DDX59: variants seen among roughly 807,000 people sequenced by gnomAD.
DDX59 encodes probable ATP-dependent RNA helicase DDX59.
DDX59 carries 30 observed loss-of-function variants against 51.9 expected under a neutral mutation model. The observed-to-expected ratio is 0.58, with a 90% CI of 0.43 to 0.78. The LOEUF is 0.78. DDX59 is among the 30% of genes least tolerant of loss of function. The pLI, the probability that DDX59 is intolerant of heterozygous loss-of-function variation, is 0.00. For missense variants in DDX59, 672 were observed against 730.8 expected (o/e 0.92, Z 0.93); for synonymous variants, 255 against 253.3 (o/e 1.01, Z -0.06).
intron 2 of DDX59, among the ~76,000 whole-genome samples, chr1:200,665,399 C>CT (rs1662654489): frequency 6.6e-6 from 1 of 151,230 alleles, no homozygotes; most frequent in South Asian, 2.1e-4. Flanking sequence ...AGACGGATCA[C>CT]TTGAACCTGG....
At chr1:200,643,362 G>A (rs1273791879), downstream of DDX59, among the ~76,000 whole-genome samples, 1 of 152,146 alleles carries the variant, frequency 6.6e-6, no homozygotes, top group Non-Finnish European at 1.5e-5. Flanking sequence ...TAAACAAGTA[G>A]GCCAGGCGTG....
At chr1:200,649,659 GA>G (rs1446660551) in intron 5 of DDX59, among the ~76,000 whole-genome samples, 2 of 144,600 alleles carry the variant, frequency 1.4e-5, no homozygotes, top group South Asian at 2.2e-4. Context: ...AACACAAAAT[GA>G]AAAAAAAGGC....
At chr1:200,641,036 G>T (rs1661033484), downstream of DDX59, 3 of 486,186 alleles carry the variant, frequency 6.2e-6, no homozygotes, top group Non-Finnish European at 1.1e-5. Context: ...TGAGGTCATT[G>T]TAAGTATGCC....
At chr1:200,644,802 A>C (rs184191754) in intron 7 of DDX59, among the ~76,000 whole-genome samples, 2 of 151,790 alleles carry the variant, frequency 1.3e-5, no homozygotes, top group East Asian at 3.9e-4. Context: ...AGGCTGAGGC[A>C]AAAGAATCGC....
At chr1:200,648,071 T>C (rs1661405345) in intron 7 of DDX59, among the ~76,000 whole-genome samples, 1 of 147,040 alleles carries the variant, frequency 6.8e-6, no homozygotes, top group African/African-American at 2.5e-5. Context: ...TCACCCAGGC[T>C]AGAGTGCAGT....
rs189751459 is a variant in DDX59, at chr1:200,665,360, C to A, written c.804+577G>T. Reference sequence around the variant, plus strand: ...ATCCCAGCTTCTCAGGAGGCTGAGGCAGGAGAATCACTTGAACCTGAACCT... The same window carrying A: ...ATCCCAGCTTCTCAGGAGGCTGAGGAAGGAGAATCACTTGAACCTGAACCT... On this transcript the variant is annotated intron_variant, in intron 2 of 7. Coordinates refer to ENST00000331314, the MANE Select transcript of DDX59 (RefSeq NM_001031725.6). 2.4e-3 allele frequency among the ~76,000 whole-genome samples: 358 copies of A among 152,018 alleles called. 2 individuals are homozygous for A. The highest frequency in any genetic ancestry group is 1.4e-3 in the Non-Finnish European group (93 of 67,978).
Position 200,650,437 on chromosome 1 carries a change from AAAT to A in DDX59, c.1299_1301del (p.Leu433del). ...CTTTACTACTCACATTTAAAATTTC[AAAT>A]AATTTTTTCTTTTTGGCTGGGTCTT... On this transcript the variant is annotated inframe_deletion, in exon 5 of 8. Transcript: ENST00000331314. 1 of 1,612,250 alleles carries A rather than the reference AAAT, an allele frequency of 6.2e-7. No individual in the cohort carries two copies.
chr1:200,653,145 C>T (rs1282680181), intron 4 of DDX59, among the ~76,000 whole-genome samples: 1 of 152,202 alleles, frequency 6.6e-6, no homozygotes, highest in African/African-American at 2.4e-5. Flanking sequence ...TTCCACGGCT[C>T]TGAATATCAT....
intron 4 of DDX59, among the ~76,000 whole-genome samples, chr1:200,652,292 A>G (rs553511015): frequency 3.3e-5 from 5 of 152,270 alleles, no homozygotes; most frequent in African/African-American, 1.2e-4. Context: ...AGCTGGGACT[A>G]TAGGTACAAG....
At chr1:200,669,057 C>T (rs1214896560) in intron 1 of DDX59, among the ~76,000 whole-genome samples, 1 of 152,152 alleles carries the variant, frequency 6.6e-6, no homozygotes, top group Non-Finnish European at 1.5e-5. Flanking sequence ...CTGTCACTGG[C>T]CATGGTCACT....
rs1662721132 is a variant in DDX59 at position 200,666,141 on chromosome 1, C to T, written c.600G>A (p.Arg200=). The T allele has an allele frequency of 6.2e-7, 1 of 1,614,184 alleles. No homozygotes were observed. The highest frequency in any genetic ancestry group is 8.5e-7 in the Non-Finnish European group (1 of 1,180,030). The change falls in exon 2 of 8, where the codon AGG becomes AGA. Residue 200 remains arginine (R), a synonymous_variant. Coordinates refer to ENST00000331314, the MANE Select transcript of DDX59 (RefSeq NM_001031725.6). ...TACAATGTTCAAAGTCAATAATGGG[C>T]CTGGTGACTTCTTGCCCTTGAACTA... ...GILVQGQEVT[R]PIIDFEHCSL... is the part of the protein sequence containing the mutation.
At chr1:200,659,795 T>G (rs1447763455) in intron 3 of DDX59, among the ~76,000 whole-genome samples, 2 of 152,056 alleles carry the variant, frequency 1.3e-5, no homozygotes, top group Non-Finnish European at 2.9e-5. Flanking sequence ...TCCAGGGGTC[T>G]TCCTGCCTCA....
chr1:200,641,062 G>A (rs1410292251), downstream of DDX59: 1 of 743,662 alleles, frequency 1.3e-6, no homozygotes, highest in Non-Finnish European at 2.1e-6. Context: ...GGCAACAAAA[G>A]AGTCCTATCT....
At chr1:200,656,972 G>A (rs376384979) in intron 4 of DDX59, among the ~76,000 whole-genome samples, 13 of 152,006 alleles carry the variant, frequency 8.6e-5, no homozygotes, top group Middle Eastern at 3.4e-3. Flanking sequence ...TTCTCAGGCC[G>A]GGTGCGGTGG....
intron 4 of DDX59, among the ~76,000 whole-genome samples, chr1:200,656,098 G>A (rs1176650692): frequency 6.6e-6 from 1 of 152,182 alleles, no homozygotes; most frequent in African/African-American, 2.4e-5. Flanking sequence ...CCAAAGTACT[G>A]GGATTACAGG....
At chr1:200,649,278 A>G in intron 5 of DDX59, 52 bp from the exon 6 acceptor site, 1 of 1,452,718 alleles carries the variant, frequency 6.9e-7, no homozygotes, top group African/African-American at 1.5e-5. Flanking sequence ...ATAATTTACA[A>G]TGGGAAGTTT....
chr1:200,663,813 GCTCT>G (rs931624941), intron 3 of DDX59, 102 bp downstream of exon 3: 3 of 1,140,070 alleles, frequency 2.6e-6, no homozygotes, highest in African/African-American at 1.6e-5. Context: ...GAATTTAAAG[GCTCT>G]CTAAAATCAT....
chr1:200,641,321 TATTAA>T (rs565313884), downstream of DDX59: 498 of 841,394 alleles, frequency 5.9e-4, no homozygotes, highest in African/African-American at 8.0e-3. Context: ...AGCTTAGATT[TATTAA>T]ATTAATCAGT....
At chr1:200,660,881 T>TA (rs1662332067) in intron 3 of DDX59, among the ~76,000 whole-genome samples, 2 of 152,188 alleles carry the variant, frequency 1.3e-5, no homozygotes, top group South Asian at 4.1e-4. Flanking sequence ...TTTTGGTACA[T>TA]ACGCAGGGGA....
Sources: gnomAD v4.1 joint callset for allele counts (sites outside exome capture counted in the v4.1 genomes callset) on GRCh38, gnomAD v4.1.1 for gene constraint, MANE v1.5 for transcripts, NCBI Gene and HGNC (gene_info 2026-07-23, HGNC 2026-07-21) for gene names.